Variants in ARHGEF18 observed in about 807,000 individuals in gnomAD.
ARHGEF18 encodes rho guanine nucleotide exchange factor 18.
A neutral mutation model predicts 155.7 loss-of-function variants in ARHGEF18; 93 were observed. The ratio of observed to expected loss-of-function variants is 0.60; its 90% CI spans 0.50 to 0.71. The LOEUF is 0.71. ARHGEF18 is among the 30% of genes least tolerant of loss of function. The pLI, the probability that ARHGEF18 is intolerant of heterozygous loss-of-function variation, is 0.00. For synonymous variants in ARHGEF18, 742 were observed against 753.1 expected (o/e 0.99, Z 0.24); for missense variants, 1,593 against 1,816.1 (o/e 0.88, Z 2.23).
intron 10 of ARHGEF18, among the ~76,000 whole-genome samples, chr19:7,426,444 G>T (rs143956858): frequency 7.0e-6 from 1 of 142,232 alleles, no homozygotes; most frequent in Non-Finnish European, 1.5e-5. Flanking sequence ...CTGAGATTGC[G>T]CCAGCACACT....
At chr19:7,402,338 G>T (rs1972058150) in intron 10 of ARHGEF18, among the ~76,000 whole-genome samples, 1 of 152,166 alleles carries the variant, frequency 6.6e-6, no homozygotes. Flanking sequence ...AGAATTGCCT[G>T]AACCCCAGAG....
At chr19:7,409,146 G>A (rs1223285332) in intron 10 of ARHGEF18, among the ~76,000 whole-genome samples, 4 of 136,496 alleles carry the variant, frequency 2.9e-5, no homozygotes, top group African/African-American at 1.1e-4. Flanking sequence ...TGCAAGCTCC[G>A]CCTCCTGGGT....
rs1195622246 is a variant in ARHGEF18 at position 7,440,102 on chromosome 19, C to G, written c.968-242C>G. ...CGGGTCCCGGAGCCCCGGGCGCGAA[C>G]ATGGGGAATGCGCACTCCAAAAGCG... On this transcript the variant is annotated intron_variant, in intron 10 of 28. Transcript: ENST00000668164. The surrounding 1 kb of genome is among the most constrained non-coding windows in gnomAD (Gnocchi z 5.4). 1 of 1,550,734 alleles carries G rather than the reference C, an allele frequency of 6.4e-7. No individual in the cohort carries two copies. Among genetic ancestry groups the G allele is most frequent in the Admixed American group, 2.0e-5 (1 of 50,970 alleles).
chr19:7,410,809 C>A (rs76888596), intron 10 of ARHGEF18, among the ~76,000 whole-genome samples: 528 of 82,128 alleles, frequency 6.4e-3, no homozygotes, highest in Middle Eastern at 8.3e-3. Flanking sequence ...GACTCCATCT[C>A]AAAAAAAAAA....
intron 8 of ARHGEF18, among the ~76,000 whole-genome samples, chr19:7,382,012 C>A (rs1331294831): frequency 1.3e-5 from 2 of 152,192 alleles, no homozygotes; most frequent in Non-Finnish European, 2.9e-5. Flanking sequence ...ATGTCACTGA[C>A]CTAATATTTA....
rs1976323215 is a variant in ARHGEF18, at chr19:7,462,307, C to G, written c.2608C>G (p.Leu870Val). 6.2e-7 allele frequency: 1 copy of G among 1,605,708 alleles called. No homozygotes were observed. The highest frequency in any genetic ancestry group is 8.5e-7 in the Non-Finnish European group (1 of 1,176,502). The change falls in exon 21 of 29, where the codon CTA becomes GTA. Residue 870 changes from leucine (L) to valine (V), a missense_variant. Physicochemically the swap from Leu to Val is conservative, Grantham distance 32. Transcript: ENST00000668164. The surrounding 1 kb of genome is among the most constrained non-coding windows in gnomAD (Gnocchi z 4.4). ...GDPSETLQGE[L>V]ILKSAMSEIE... ...CCCATCCGAGACCCTGCAGGGGGAG[C>G]TAATTCTCAAGTCGGCCATGAGCGA...
At chr19:7,473,270 C>G (rs928801206), downstream of ARHGEF18, 3 of 456,046 alleles carry the variant, frequency 6.6e-6, no homozygotes, top group African/African-American at 6.0e-5. Flanking sequence ...CACTAGCTCA[C>G]TAGGAAGCGC....
At chr19:7,414,098 T>C (rs1208739780) in intron 10 of ARHGEF18, among the ~76,000 whole-genome samples, 3 of 152,056 alleles carry the variant, frequency 2.0e-5, no homozygotes, top group Non-Finnish European at 4.4e-5. Flanking sequence ...GGATCATTCT[T>C]TGGGATGGGA....
intron 1 of ARHGEF18, among the ~76,000 whole-genome samples, chr19:7,362,005 A>G (rs556316527): frequency 0.051 from 2,793 of 54,810 alleles, 242 homozygotes; most frequent in African/African-American, 0.18. Context: ...GAAGAAGAAG[A>G]AGAAGAAGAA....
rs772119857 is a variant in ARHGEF18, at chr19:7,462,103, C to T, written c.2453-49C>T. On this transcript the variant is annotated intron_variant, in intron 20 of 28. Coordinates refer to ENST00000668164, the MANE Select transcript of ARHGEF18 (RefSeq NM_001367823.1). The surrounding 1 kb of genome is among the most constrained non-coding windows in gnomAD (Gnocchi z 4.4). ...GCCAGTCCCCGGGGCTCAGATGATT[C>T]CAGGGAAGGCCGACCCGGCTGACTG... 8.1e-6 allele frequency: 13 copies of T among 1,611,682 alleles called. No individual in the cohort carries two copies. Among genetic ancestry groups the T allele is most frequent in the South Asian group, 1.1e-5 (1 of 90,950 alleles).
intron 20 of ARHGEF18, among the ~76,000 whole-genome samples, chr19:7,460,451 C>A (rs1293162979): frequency 2.6e-5 from 4 of 152,164 alleles, no homozygotes; most frequent in Admixed American, 6.5e-5. Context: ...GGTTCAGGGG[C>A]ATTTCAGTGC....
rs1455599996 is a variant in ARHGEF18, at chr19:7,383,045, A to G, written c.826-17A>G. On this transcript the variant is annotated splice_polypyrimidine_tract_variant and intron_variant, in intron 9 of 28. Coordinates refer to ENST00000668164, the MANE Select transcript of ARHGEF18 (RefSeq NM_001367823.1). ...GCCTGCAGAGGGCATCCTGAGACCC[A>G]CCTCTGTCCCATCCAGGGGAAGAGC... is the stretch of plus-strand genomic sequence containing the variant. 48 of 1,232,132 alleles carry G rather than the reference A, an allele frequency of 3.9e-5. No individual in the cohort carries two copies. The highest frequency in any genetic ancestry group is 3.9e-5 in the Non-Finnish European group (39 of 988,070). 76.3% of individuals were successfully genotyped at this position (1,232,132 alleles called of 1,614,324 possible).
At chr19:7,355,068 T>TCACACACACACACACA (rs60457716) in intron 1 of ARHGEF18, among the ~76,000 whole-genome samples, 1 of 146,542 alleles carries the variant, frequency 6.8e-6, no homozygotes, top group African/African-American at 2.5e-5. Flanking sequence ...CCAATGGGCT[T>TCACACACACACACACA]CACACACACA....
At chr19:7,389,270 C>A (rs1253227221) in intron 10 of ARHGEF18, among the ~76,000 whole-genome samples, 2 of 151,708 alleles carry the variant, frequency 1.3e-5, no homozygotes, top group African/African-American at 4.8e-5. Context: ...CCCACCCTAG[C>A]CTCCCAAGTA....
chr19:7,352,691 G>A (rs1404083785), intron 1 of ARHGEF18, among the ~76,000 whole-genome samples: 3 of 150,616 alleles, frequency 2.0e-5, no homozygotes, highest in African/African-American at 4.9e-5. Flanking sequence ...CTGCCACCAC[G>A]CCCGGCTATT....
At chr19:7,452,787 T>C (rs1975571182) in intron 16 of ARHGEF18, among the ~76,000 whole-genome samples, 1 of 151,562 alleles carries the variant, frequency 6.6e-6, no homozygotes, top group Admixed American at 6.6e-5. Context: ...ATGAAGGGAT[T>C]GGGACAGAGG....
At chr19:7,472,962 A>G (rs1218008912), downstream of ARHGEF18, 5 of 455,812 alleles carry the variant, frequency 1.1e-5, no homozygotes, top group East Asian at 3.5e-4. Flanking sequence ...TCAGCCTCCC[A>G]AAGTGCTGGG....
In ARHGEF18 at chr19:7,389,211, C is replaced by T. The variant is rs1012167467; in HGVS notation, c.967+6008C>T. ...TGTTGCCCAGGCTGGGGTGCAGTGG[C>T]GTGATCTTGGTTCACTACAACCTCT... is the stretch of plus-strand genomic sequence containing the variant. On this transcript the variant is annotated intron_variant, in intron 10 of 28. Transcript: ENST00000668164. 2.5e-4 allele frequency among the ~76,000 whole-genome samples: 37 copies of T among 150,498 alleles called. 1 individual carries two copies. The highest frequency in any genetic ancestry group is 1.6e-3 in the Admixed American group (24 of 15,026).
chr19:7,466,789 A>G lies in ARHGEF18; in HGVS notation c.2905-129A>G. The G allele has an allele frequency of 3.2e-6, 3 of 949,954 alleles. No individual in the cohort carries two copies. In the East Asian group the frequency reaches 8.0e-5, roughly 25 times the overall value. 58.8% of individuals were successfully genotyped at this position (949,954 alleles called of 1,614,324 possible). A position where few individuals can be genotyped will look rare whatever the true frequency, so the allele number is the denominator to read the frequency against. On this transcript the variant is annotated intron_variant, in intron 23 of 28. Transcript: ENST00000668164. Reference sequence around the variant, plus strand: ...ACTGCACTCCAGCTTGGGCAACAAGAGCAGAATTCCGTCTCAAAAAAAAAA... The same window carrying G: ...ACTGCACTCCAGCTTGGGCAACAAGGGCAGAATTCCGTCTCAAAAAAAAAA...
Sources: gnomAD v4.1 joint callset for allele counts (sites outside exome capture counted in the v4.1 genomes callset) on GRCh38, gnomAD v4.1.1 for gene constraint, Gnocchi (gnomAD v3.1) non-coding constraint, MANE v1.5 for transcripts, NCBI Gene and HGNC (gene_info 2026-07-23, HGNC 2026-07-21) for gene names.